Variants in PVT1 observed in about 807,000 individuals in gnomAD.
The protein encoded by PVT1 is Pvt1 oncogene, also known as CXCR4/PVT1 fusion.
At chr8:127,963,714 G>A (rs1816672319) in intron 3 of PVT1, among the ~76,000 whole-genome samples, 3 of 152,086 alleles carry the variant, frequency 2.0e-5, no homozygotes, top group Admixed American at 2.0e-4. Context: ...TTGGCACTTG[G>A]GAAACATCAG....
At chr8:128,063,797 G>A (rs532528146) in intron 4 of PVT1, among the ~76,000 whole-genome samples, 69 of 152,284 alleles carry the variant, frequency 4.5e-4, no homozygotes, top group African/African-American at 1.6e-3. Context: ...TTTGACTATA[G>A]TTAATAATGT....
At chr8:127,844,183 A>C (rs1815005334) in intron 2 of PVT1, among the ~76,000 whole-genome samples, 1 of 151,892 alleles carries the variant, frequency 6.6e-6, no homozygotes, top group African/African-American at 2.4e-5. Context: ...TTGGGGTTTC[A>C]CCGTGTTAGC....
chr8:127,945,830 T>C (rs1397794953), intron 3 of PVT1, among the ~76,000 whole-genome samples: 1 of 152,180 alleles, frequency 6.6e-6, no homozygotes, highest in East Asian at 1.9e-4. Flanking sequence ...TTCAGCACTT[T>C]ACTCAGCACA....
chr8:127,878,851 G>C (rs1290850671), intron 2 of PVT1, among the ~76,000 whole-genome samples: 1 of 152,194 alleles, frequency 6.6e-6, no homozygotes, highest in Non-Finnish European at 1.5e-5. Context: ...CTGCAAGGGG[G>C]TGGGGAGAAG....
rs13266023 is a variant in PVT1 at position 128,004,690 on chromosome 8, T to A, written n.912+15399T>A. 1.2e-4 allele frequency among the ~76,000 whole-genome samples: 18 copies of A among 152,210 alleles called. No individual in the cohort carries two copies. The South Asian group carries it at 2.3e-3, about 19-fold the overall frequency. ...GTCTCCAGATACCACTGAAGTAGCCTTTCGAATACCAATTACCTGCCTCAC... is the reference window on the plus strand; with the variant it reads ...GTCTCCAGATACCACTGAAGTAGCCATTCGAATACCAATTACCTGCCTCAC... On this transcript the variant is annotated intron_variant and non_coding_transcript_variant, in intron 4 of 10. Coordinates refer to ENST00000651587, the Ensembl canonical transcript of PVT1.
intron 2 of PVT1, among the ~76,000 whole-genome samples, chr8:127,889,246 C>T (rs563312541): frequency 6.6e-4 from 101 of 151,962 alleles, no homozygotes; most frequent in African/African-American, 2.4e-3. Flanking sequence ...TCTCATTCCT[C>T]GGCCTCCCAA....
intron 4 of PVT1, among the ~76,000 whole-genome samples, chr8:128,014,573 C>T (rs1817350509): frequency 6.6e-6 from 1 of 152,216 alleles, no homozygotes; most frequent in African/African-American, 2.4e-5. Flanking sequence ...TGGCCGTGGG[C>T]GGTGCTGATA....
At chr8:127,875,457 C>T (rs1030855721) in intron 2 of PVT1, among the ~76,000 whole-genome samples, 1 of 152,018 alleles carries the variant, frequency 6.6e-6, no homozygotes, top group South Asian at 2.1e-4. Context: ...AGACATATTT[C>T]GAGCCTCCGT....
intron 4 of PVT1, among the ~76,000 whole-genome samples, chr8:128,036,188 T>C (rs1024230342): frequency 6.6e-6 from 1 of 152,218 alleles, no homozygotes; most frequent in Non-Finnish European, 1.5e-5. Context: ...TTAAGGGGCC[T>C]TTTGCCATGT....
At chr8:127,945,099 A>G in intron 3 of PVT1, among the ~76,000 whole-genome samples, 1 of 152,190 alleles carries the variant, frequency 6.6e-6, no homozygotes, top group East Asian at 1.9e-4. Flanking sequence ...GTTGGATCAG[A>G]GGAGAATGAA....
intron 4 of PVT1, among the ~76,000 whole-genome samples, chr8:128,029,043 A>G (rs1329578268): frequency 1.3e-5 from 2 of 151,726 alleles, no homozygotes; most frequent in Non-Finnish European, 2.9e-5. Context: ...GGGTCTTACT[A>G]TGTTGCCCAG....
chr8:127,808,855 C>T (rs939435465), intron 2 of PVT1, among the ~76,000 whole-genome samples: 3 of 151,422 alleles, frequency 2.0e-5, no homozygotes, highest in Non-Finnish European at 4.4e-5. Flanking sequence ...CATGGTGAAA[C>T]CCCATCTCTA....
intron 3 of PVT1, among the ~76,000 whole-genome samples, chr8:127,959,934 C>A (rs1367809658): frequency 2.0e-5 from 3 of 152,340 alleles, no homozygotes; most frequent in African/African-American, 4.8e-5. Flanking sequence ...ATCCACTTAA[C>A]CATCCCTAAT....
chr8:127,828,218 A>T (rs1199358943), intron 2 of PVT1, among the ~76,000 whole-genome samples: 2 of 152,048 alleles, frequency 1.3e-5, no homozygotes, highest in Non-Finnish European at 2.9e-5. Context: ...CTCAAAGTAG[A>T]TCTCTTGCTA....
chr8:127,879,784 C>T (rs1815444896), intron 2 of PVT1, among the ~76,000 whole-genome samples: 1 of 152,236 alleles, frequency 6.6e-6, no homozygotes, highest in Non-Finnish European at 1.5e-5. Flanking sequence ...TTCTGGGCTT[C>T]TGGTCATGCC....
chr8:127,806,190 C>T (rs1373046703), intron 2 of PVT1, among the ~76,000 whole-genome samples: 1 of 152,146 alleles, frequency 6.6e-6, no homozygotes, highest in South Asian at 2.1e-4. Flanking sequence ...TGGCTGGGCA[C>T]CGTGGCTCAT....
chr8:127,841,899 T>C (rs1218014613), intron 2 of PVT1, among the ~76,000 whole-genome samples: 1 of 151,980 alleles, frequency 6.6e-6, no homozygotes, highest in Non-Finnish European at 1.5e-5. Flanking sequence ...CTAATTTCTG[T>C]CTTTTTAGTA....
intron 3 of PVT1, among the ~76,000 whole-genome samples, chr8:127,935,218 G>A (rs1362033815): frequency 6.6e-6 from 1 of 152,066 alleles, no homozygotes. Flanking sequence ...TGCCCGCCTC[G>A]GCCTCCCAAA....
At chr8:127,883,394 T>C (rs1156402029) in intron 2 of PVT1, among the ~76,000 whole-genome samples, 1 of 152,096 alleles carries the variant, frequency 6.6e-6, no homozygotes, top group Non-Finnish European at 1.5e-5. Context: ...GCAGCCTGTT[T>C]TTCGTTTTTC....
Sources: gnomAD v4.1 joint callset for allele counts (sites outside exome capture counted in the v4.1 genomes callset) on GRCh38, gnomAD v4.1.1 for gene constraint, MANE v1.5 for transcripts, NCBI Gene and HGNC (gene_info 2026-07-23, HGNC 2026-07-21) for gene names.